Variants in TCF7L2 observed in about 807,000 individuals in gnomAD.
The protein encoded by TCF7L2 is transcription factor 7 like 2, also known as transcription factor 7-like 2.
In TCF7L2, 23 loss-of-function variants were observed where a neutral mutation model predicts 77.9. That is an observed-to-expected ratio of 0.30 (90% CI 0.21 to 0.42). The LOEUF is 0.42. Ranked by LOEUF, TCF7L2 falls within the 10% of genes least tolerant of loss-of-function variation. TCF7L2 has a pLI of 1.00. For synonymous variants in TCF7L2, 413 were observed against 340.2 expected (o/e 1.21, Z -2.36); for missense variants, 654 against 793.1 (o/e 0.82, Z 2.11).
At chr10:113,037,193 G>C (rs2051446273) in intron 4 of TCF7L2, among the ~76,000 whole-genome samples, 1 of 152,200 alleles carries the variant, frequency 6.6e-6, no homozygotes, top group African/African-American at 2.4e-5. Context: ...GCTTCCTTTA[G>C]AAAATCCTGA....
At chr10:113,005,589 G>A (rs983471480) in intron 4 of TCF7L2, among the ~76,000 whole-genome samples, 2 of 152,108 alleles carry the variant, frequency 1.3e-5, no homozygotes, top group African/African-American at 2.4e-5. Flanking sequence ...CGAAGGATGC[G>A]GTTGTGGTTA....
chr10:112,991,272 A>G (rs978082166), intron 4 of TCF7L2, among the ~76,000 whole-genome samples: 1 of 151,618 alleles, frequency 6.6e-6, no homozygotes, highest in Non-Finnish European at 1.5e-5. Flanking sequence ...GCTCATGCCT[A>G]TAATCCCAGC....
chr10:112,956,112 A>C (rs2033513730), intron 3 of TCF7L2, among the ~76,000 whole-genome samples: 1 of 152,150 alleles, frequency 6.6e-6, no homozygotes, highest in Non-Finnish European at 1.5e-5. Context: ...ATCACATTAA[A>C]AATGCACTGT....
At chr10:112,994,227 C>A (rs945509487) in intron 4 of TCF7L2, among the ~76,000 whole-genome samples, 1 of 152,152 alleles carries the variant, frequency 6.6e-6, no homozygotes, top group Non-Finnish European at 1.5e-5. Flanking sequence ...ACCTCCCTTA[C>A]CCATTAGCAG....
intron 4 of TCF7L2, among the ~76,000 whole-genome samples, chr10:113,000,668 T>C (rs754513691): frequency 6.6e-6 from 1 of 152,138 alleles, no homozygotes; most frequent in Non-Finnish European, 1.5e-5. Flanking sequence ...GCTGCTGTTA[T>C]CCTTACCACT....
intron 5 of TCF7L2, among the ~76,000 whole-genome samples, chr10:113,095,632 A>C (rs1357746591): frequency 6.6e-6 from 1 of 152,184 alleles, no homozygotes; most frequent in Non-Finnish European, 1.5e-5. Flanking sequence ...ACAGACGCGG[A>C]GAAGCCGGGA....
chr10:113,099,035 T>C (rs970979279), intron 5 of TCF7L2, among the ~76,000 whole-genome samples: 1 of 152,254 alleles, frequency 6.6e-6, no homozygotes, highest in Non-Finnish European at 1.5e-5. Context: ...GAGATGTAAC[T>C]GCAGTGCCAT....
intron 5 of TCF7L2, among the ~76,000 whole-genome samples, chr10:113,097,646 GAAAA>G (rs869133669): frequency 2.7e-5 from 1 of 36,734 alleles, no homozygotes; most frequent in African/African-American, 1.1e-4. Context: ...TCTTGTCTCG[GAAAA>G]AAAAAAAAAA....
chr10:113,145,639 G>C (rs376204391), intron 7 of TCF7L2, among the ~76,000 whole-genome samples: 3 of 151,948 alleles, frequency 2.0e-5, no homozygotes, highest in Non-Finnish European at 4.4e-5. Context: ...CTTTATTTTG[G>C]TATAAATTTA....
chr10:112,987,283 A>G (rs2041717977), intron 4 of TCF7L2, among the ~76,000 whole-genome samples: 2 of 152,182 alleles, frequency 1.3e-5, no homozygotes, highest in South Asian at 4.1e-4. Context: ...AATAAATCTC[A>G]GTTTCCTTGT....
chr10:113,151,361 C>T lies in TCF7L2; in HGVS notation c.1001+238C>T, dbSNP rs1209100455. ...TGTTTTTTGTGTGTGTACTTGGATA[C>T]ACTGGGATTTGCAACCACTTCCCTG... On this transcript the variant is annotated intron_variant, in intron 9 of 13. Transcript: ENST00000627217. This position sits in a 1 kb window ranked among gnomAD's most constrained non-coding sequence, Gnocchi z 5.2. Among the ~76,000 whole-genome samples, 2 of 152,078 alleles carry T rather than the reference C, an allele frequency of 1.3e-5. No homozygotes were observed. Among genetic ancestry groups the T allele is most frequent in the African/African-American group, 2.4e-5 (1 of 41,416 alleles).
intron 4 of TCF7L2, among the ~76,000 whole-genome samples, chr10:112,966,211 T>TATA (rs57702716): frequency 2.9e-5 from 4 of 137,488 alleles, no homozygotes; most frequent in African/African-American, 5.9e-5. Context: ...TATATATATA[T>TATA]TTTCTTTTCT....
intron 13 of TCF7L2, among the ~76,000 whole-genome samples, chr10:113,163,009 TAAA>T (rs113088460): frequency 7.6e-6 from 1 of 132,046 alleles, no homozygotes; most frequent in Admixed American, 7.6e-5. Flanking sequence ...AAAATGTACT[TAAA>T]AAAAAAAAAA....
chr10:113,149,817 C>T (rs989301742), intron 8 of TCF7L2, among the ~76,000 whole-genome samples: 3 of 152,194 alleles, frequency 2.0e-5, no homozygotes, highest in Non-Finnish European at 4.4e-5. Flanking sequence ...CCCATCTGCT[C>T]ACTTGAATCA....
At chr10:113,034,476 C>G (rs1279880771) in intron 4 of TCF7L2, among the ~76,000 whole-genome samples, 1 of 152,186 alleles carries the variant, frequency 6.6e-6, no homozygotes, top group African/African-American at 2.4e-5. Context: ...TGGCTATACT[C>G]TCAGCTTTGG....
intron 5 of TCF7L2, among the ~76,000 whole-genome samples, chr10:113,122,333 A>G (rs1680938584): frequency 6.6e-6 from 1 of 152,278 alleles, no homozygotes; most frequent in African/African-American, 2.4e-5. Flanking sequence ...CTATGATTCA[A>G]AATGTTTACT....
At chr10:113,109,922 A>T (rs1296237235) in intron 5 of TCF7L2, among the ~76,000 whole-genome samples, 3 of 152,236 alleles carry the variant, frequency 2.0e-5, no homozygotes, top group African/African-American at 7.2e-5. Flanking sequence ...CTTATATCAG[A>T]ATGTATAATA....
At chr10:112,993,082 G>A (rs1211456776) in intron 4 of TCF7L2, among the ~76,000 whole-genome samples, 1 of 151,920 alleles carries the variant, frequency 6.6e-6, no homozygotes. Flanking sequence ...TATTTCTAAC[G>A]TCCCCCTGAC....
intron 3 of TCF7L2, among the ~76,000 whole-genome samples, chr10:112,952,510 T>C (rs573335729): frequency 6.6e-6 from 1 of 152,274 alleles, no homozygotes; most frequent in African/African-American, 2.4e-5. Flanking sequence ...CGGAATGGAC[T>C]CCTCCAAGCG....
Sources: gnomAD v4.1 joint callset for allele counts (sites outside exome capture counted in the v4.1 genomes callset) on GRCh38, gnomAD v4.1.1 for gene constraint, Gnocchi (gnomAD v3.1) non-coding constraint, MANE v1.5 for transcripts, NCBI Gene and HGNC (gene_info 2026-07-23, HGNC 2026-07-21) for gene names.